Variants in CASS4 observed in about 807,000 individuals in gnomAD.
The protein encoded by CASS4 is Cas scaffold protein family member 4.
In CASS4, 22 loss-of-function variants were observed where a neutral mutation model predicts 54.2. The ratio of observed to expected loss-of-function variants is 0.41; its 90% confidence interval spans 0.29 to 0.58. The LOEUF is 0.58. CASS4 is among the 20% of genes least tolerant of loss of function. The pLI is 0.36. For missense variants in CASS4, 854 were observed against 986.7 expected (o/e 0.87, Z 1.80); for synonymous variants, 409 against 391.5 (o/e 1.04, Z -0.53).
chr20:56,431,458 T>C (rs892251447), intron 1 of CASS4, among the ~76,000 whole-genome samples: 1 of 152,238 alleles, frequency 6.6e-6, no homozygotes, highest in Non-Finnish European at 1.5e-5. Flanking sequence ...TTCATTCATA[T>C]TGAGGGGAAT....
intron 5 of CASS4, among the ~76,000 whole-genome samples, chr20:56,454,058 G>GT (rs1568683189): frequency 6.6e-6 from 1 of 152,070 alleles, no homozygotes; most frequent in East Asian, 1.9e-4. Flanking sequence ...GTGTGCGCCT[G>GT]TAATTCCAGC....
At chr20:56,448,519 G>C (rs566450541) in intron 3 of CASS4, among the ~76,000 whole-genome samples, 1 of 152,116 alleles carries the variant, frequency 6.6e-6, no homozygotes, top group African/African-American at 2.4e-5. Flanking sequence ...GTCATTGAAT[G>C]GTCCCATGGG....
chr20:56,443,469 C>CAAAAAAAAAACAAAAAA, intron 2 of CASS4, among the ~76,000 whole-genome samples: 1 of 115,220 alleles, frequency 8.7e-6, no homozygotes, highest in South Asian at 2.8e-4. Flanking sequence ...ACTCCGTCTC[C>CAAAAAAAAAACAAAAAA]AAAAAAAAAA....
Position 56,437,572 on chromosome 20 carries a change from A to C in CASS4, c.445A>C (p.Ser149Arg). Residue 149 changes from serine (S) to arginine (R), a missense_variant, in exon 2 of 6, where the codon AGC becomes CGC. By Grantham distance (110) the Ser-to-Arg change is moderately radical. Coordinates refer to ENST00000679887, the MANE Select transcript of CASS4 (RefSeq NM_020356.4). The surrounding 1 kb of genome is among the most constrained non-coding windows in gnomAD (Gnocchi z 4.7). ...CAGAATCATCTGTGAAAAGACTCTC[A>C]GCTTTCCAAAACAGGTACGCATACT... Reference protein sequence around the residue: ...SARIICEKTLSFPKQAILTLP... With the variant: ...SARIICEKTLRFPKQAILTLP... 6.5e-7 allele frequency: 1 copy of C among 1,537,692 alleles called. No individual in the cohort carries two copies. The highest frequency in any genetic ancestry group is 8.7e-7 in the Non-Finnish European group (1 of 1,143,194).
Position 56,453,022 on chromosome 20 carries a change from C to T in CASS4, c.1846C>T (p.Gln616Ter). The T allele has an allele frequency of 6.2e-7, 1 of 1,614,030 alleles. No individual in the cohort carries two copies. The highest frequency in any genetic ancestry group is 1.1e-5 in the South Asian group (1 of 91,078). ...GTGTGAAAAATACATCCAGCCTCCC[C>T]AAAGAGAAACTGAATCACACCAAAA... ...FKCEKYIQPP[Q>*]RETESHQKST... The change falls in exon 5 of 6, where the codon CAA becomes TAA. Residue 616 changes from glutamine to a stop codon, truncating the protein, a stop_gained. Transcript: ENST00000679887. LOFTEE classifies it high-confidence loss of function.
At position 56,450,676 on chromosome 20, in the gene CASS4, A is replaced by C. The variant is rs1799528668; in HGVS notation, c.639A>C (p.Ala213=). 2 of 1,613,868 alleles carry C rather than the reference A, an allele frequency of 1.2e-6. No homozygotes were observed. Among genetic ancestry groups the C allele is most frequent in the Non-Finnish European group, 1.7e-6 (2 of 1,179,894 alleles). The stretch of plus-strand genomic sequence containing the variant: ...GACTCCATCCCCCAGACAGCCAAGC[A>C]AGTGTAAGTATGAAGAGGTGCTAAG... The part of the protein sequence containing the change: ...KAGLHPPDSQ[A]SGQGVPLISV... The change falls in exon 4 of 6, where the codon GCA becomes GCC. Residue 213 remains alanine (A), a synonymous_variant. Coordinates refer to ENST00000679887, the MANE Select transcript of CASS4 (RefSeq NM_020356.4).
intron 1 of CASS4, among the ~76,000 whole-genome samples, chr20:56,420,393 G>C (rs1338948256): frequency 6.6e-6 from 1 of 151,858 alleles, no homozygotes; most frequent in Non-Finnish European, 1.5e-5. Flanking sequence ...TTTGGGTTCA[G>C]AAATTTTCTT....
At chr20:56,425,305 T>C (rs145864357) in intron 1 of CASS4, among the ~76,000 whole-genome samples, 179 of 152,376 alleles carry the variant, frequency 1.2e-3, no homozygotes, top group African/African-American at 4.2e-3. Context: ...TGACTCTTAA[T>C]GCACCTGCAG....
At chr20:56,422,649 G>A (rs988363019) in intron 1 of CASS4, among the ~76,000 whole-genome samples, 2 of 152,192 alleles carry the variant, frequency 1.3e-5, no homozygotes, top group Non-Finnish European at 2.9e-5. Flanking sequence ...AGTAGGCAGT[G>A]CCTCCTACAG....
chr20:56,415,801 C>T (rs1979105119), intron 1 of CASS4, among the ~76,000 whole-genome samples: 1 of 152,226 alleles, frequency 6.6e-6, no homozygotes, highest in Non-Finnish European at 1.5e-5. Flanking sequence ...ATTCTACCTG[C>T]TGGCCAGTAG....
Position 56,443,469 on chromosome 20 carries a change from C to CAAAAAAA in CASS4, c.460-2426_460-2420dup, listed in dbSNP as rs11467181. 3.0e-4 allele frequency among the ~76,000 whole-genome samples: 34 copies of CAAAAAAA among 115,162 alleles called. 1 individual carries two copies. The highest frequency in any genetic ancestry group is 9.4e-4 in the African/African-American group (26 of 27,628). 75.6% of individuals were successfully genotyped at this position (115,162 alleles called of 152,430 possible). On this transcript the variant is annotated intron_variant, in intron 2 of 5. Coordinates refer to ENST00000679887, the MANE Select transcript of CASS4 (RefSeq NM_020356.4). ...GGGTGACAGAGCGAGACTCCGTCTC[C>CAAAAAAA]AAAAAAAAAAAGAAGCTTGGATTTC...
In CASS4 at chr20:56,430,079, T is replaced by G. The variant is rs1315200201; in HGVS notation, c.37-7085T>G. On this transcript the variant is annotated intron_variant, in intron 1 of 5. Transcript: ENST00000679887. This position sits in a 1 kb window ranked among gnomAD's most constrained non-coding sequence, Gnocchi z 4.2. ...AGAGCCCCTGGAATACACGTGATGCTCAATACAATCTTGGTGAATGAATGA... is the reference window on the plus strand; with the variant it reads ...AGAGCCCCTGGAATACACGTGATGCGCAATACAATCTTGGTGAATGAATGA... Among the ~76,000 whole-genome samples the G allele has an allele frequency of 6.6e-6, 1 of 152,210 alleles. No homozygotes were observed. The highest frequency in any genetic ancestry group is 1.5e-5 in the Non-Finnish European group (1 of 68,034).
At chr20:56,415,192 A>G (rs1167313892) in intron 1 of CASS4, among the ~76,000 whole-genome samples, 1 of 152,182 alleles carries the variant, frequency 6.6e-6, no homozygotes, top group Non-Finnish European at 1.5e-5. Context: ...TGCAGGCCAA[A>G]TACAATCTCT....
At chr20:56,436,423 C>T (rs1053866636) in intron 1 of CASS4, among the ~76,000 whole-genome samples, 4 of 146,554 alleles carry the variant, frequency 2.7e-5, no homozygotes, top group Admixed American at 6.9e-5. Flanking sequence ...TATATCAACC[C>T]GTCATATATA....
intron 1 of CASS4, among the ~76,000 whole-genome samples, chr20:56,428,202 T>C (rs1232351267): frequency 1.3e-5 from 2 of 152,190 alleles, no homozygotes; most frequent in Non-Finnish European, 2.9e-5. Flanking sequence ...GGAGCATAAG[T>C]GTTTGGTGTC....
rs770021620 is a variant in CASS4 at position 56,452,559 on chromosome 20, T to C, written c.1383T>C (p.Phe461=). The C allele has an allele frequency of 6.2e-7, 1 of 1,614,182 alleles. No homozygotes were observed. Among genetic ancestry groups the C allele is most frequent in the Non-Finnish European group, 8.5e-7 (1 of 1,180,024 alleles). ...GCTCTGTCGCTGGCCTGATGCTCTT[T>C]GTCAGCAGGAAGTGGAGATTCCGAG... ...VVSSVAGLML[F]VSRKWRFRDY... Residue 461 remains phenylalanine (F), a synonymous_variant, in exon 5 of 6, where the codon TTT becomes TTC. Coordinates refer to ENST00000679887, the MANE Select transcript of CASS4 (RefSeq NM_020356.4).
intron 1 of CASS4, among the ~76,000 whole-genome samples, chr20:56,435,339 A>G (rs1980104036): frequency 6.6e-6 from 1 of 152,260 alleles, no homozygotes; most frequent in South Asian, 2.1e-4. Flanking sequence ...TAATGAGTTT[A>G]AAAGGTGTAA....
chr20:56,456,805 A>G (rs1237740432), intron 5 of CASS4, among the ~76,000 whole-genome samples: 1 of 152,130 alleles, frequency 6.6e-6, no homozygotes, highest in Non-Finnish European at 1.5e-5. Context: ...CAGCCTCCCA[A>G]GTAGCTGGGA....
At chr20:56,439,535 G>T (rs938949735) in intron 2 of CASS4, among the ~76,000 whole-genome samples, 2 of 151,654 alleles carry the variant, frequency 1.3e-5, no homozygotes, top group Non-Finnish European at 2.9e-5. Flanking sequence ...AATTAGGCAG[G>T]CGTGGTGGCA....
Sources: gnomAD v4.1 joint callset for allele counts (sites outside exome capture counted in the v4.1 genomes callset) on GRCh38, gnomAD v4.1.1 for gene constraint, Gnocchi (gnomAD v3.1) non-coding constraint, MANE v1.5 for transcripts, NCBI Gene and HGNC (gene_info 2026-07-23, HGNC 2026-07-21) for gene names.